The following PLCB1 variants were observed in gnomAD, a reference collection of about 807,000 sequenced individuals.
PLCB1 encodes the protein 1-phosphatidylinositol 4,5-bisphosphate phosphodiesterase beta-1.
In PLCB1, 46 loss-of-function variants were observed where a neutral mutation model predicts 161.8. The ratio of observed to expected loss-of-function variants is 0.28; its 90% CI spans 0.22 to 0.36. PLCB1 has a LOEUF of 0.36. Ranked by LOEUF, PLCB1 falls within the 10% of genes least tolerant of loss-of-function variation. The pLI, the probability that PLCB1 is intolerant of heterozygous loss-of-function variation, is 1.00. For missense variants in PLCB1, 1,016 were observed against 1,472.5 expected, an observed-to-expected ratio of 0.69 and a Z score of 5.07; for synonymous variants, 517 against 503.7, an observed-to-expected ratio of 1.03 and a Z score of -0.35.
intron 31 of PLCB1, among the ~76,000 whole-genome samples, chr20:8,806,315 G>A (rs1403131541): frequency 6.6e-6 from 1 of 151,984 alleles, no homozygotes; most frequent in African/African-American, 2.4e-5. Flanking sequence ...GACACCTGAG[G>A]CACAGTGTGG....
chr20:8,635,917 T>C (rs1433487295), intron 4 of PLCB1, among the ~76,000 whole-genome samples: 1 of 152,238 alleles, frequency 6.6e-6, no homozygotes, highest in African/African-American at 2.4e-5. Flanking sequence ...GAGGTTCTTA[T>C]ATTTATTTTT....
intron 2 of PLCB1, among the ~76,000 whole-genome samples, chr20:8,339,522 C>G (rs1985719395): frequency 6.6e-6 from 1 of 152,240 alleles, no homozygotes; most frequent in Non-Finnish European, 1.5e-5. Context: ...TTAAAAGTTA[C>G]ACCATGCAGA....
At chr20:8,322,871 G>A (rs1027780455) in intron 2 of PLCB1, among the ~76,000 whole-genome samples, 3 of 152,146 alleles carry the variant, frequency 2.0e-5, no homozygotes, top group African/African-American at 4.8e-5. Context: ...CTGACCAGAC[G>A]ACATGTGTTG....
At chr20:8,258,283 A>G (rs1323593360) in intron 2 of PLCB1, among the ~76,000 whole-genome samples, 1 of 152,180 alleles carries the variant, frequency 6.6e-6, no homozygotes, top group African/African-American at 2.4e-5. Flanking sequence ...GAATTATGCC[A>G]CAAAGAAAAG....
At chr20:8,861,950 C>T (rs1470691520) in intron 31 of PLCB1, among the ~76,000 whole-genome samples, 2 of 152,102 alleles carry the variant, frequency 1.3e-5, no homozygotes, top group African/African-American at 2.4e-5. Flanking sequence ...TGAAAACATA[C>T]ATTGGGACAA....
intron 2 of PLCB1, among the ~76,000 whole-genome samples, chr20:8,204,996 T>C (rs1406534844): frequency 6.6e-6 from 1 of 152,210 alleles, no homozygotes; most frequent in Non-Finnish European, 1.5e-5. Context: ...TCTGTGATAA[T>C]AAGTTATTAT....
chr20:8,523,896 C>T (rs958965352), intron 3 of PLCB1, among the ~76,000 whole-genome samples: 1 of 151,938 alleles, frequency 6.6e-6, no homozygotes, highest in Admixed American at 6.6e-5. Context: ...CACCCAGAGG[C>T]CTGCATGGGG....
chr20:8,829,854 C>T (rs544585587), intron 31 of PLCB1, among the ~76,000 whole-genome samples: 21 of 152,180 alleles, frequency 1.4e-4, no homozygotes, highest in Non-Finnish European at 2.2e-4. Context: ...CTCTGAAGCA[C>T]GCAGAGGCAG....
intron 1 of PLCB1, among the ~76,000 whole-genome samples, chr20:8,149,053 A>T (rs1181409199): frequency 1.3e-5 from 2 of 152,232 alleles, no homozygotes; most frequent in Non-Finnish European, 2.9e-5. Context: ...GGCATATTAG[A>T]AAAGAGTAAA....
intron 31 of PLCB1, among the ~76,000 whole-genome samples, chr20:8,849,198 C>A (rs3902337): frequency 0.32 from 49,094 of 152,018 alleles, 8,866 homozygotes; most frequent in East Asian, 0.63. Context: ...CATTTTTTGA[C>A]TAATGAGAGA....
At chr20:8,765,739 G>A (rs944811165) in intron 26 of PLCB1, among the ~76,000 whole-genome samples, 6 of 152,006 alleles carry the variant, frequency 3.9e-5, no homozygotes, top group African/African-American at 1.5e-4. Flanking sequence ...CCAGACTGGA[G>A]TGCAGTGACA....
At chr20:8,302,627 T>C (rs555168231) in intron 2 of PLCB1, among the ~76,000 whole-genome samples, 1 of 152,372 alleles carries the variant, frequency 6.6e-6, no homozygotes, top group South Asian at 2.1e-4. Flanking sequence ...AATATCTAAC[T>C]TTTTTCTTCT....
At chr20:8,452,362 A>C (rs1355736192) in intron 3 of PLCB1, among the ~76,000 whole-genome samples, 2 of 152,240 alleles carry the variant, frequency 1.3e-5, no homozygotes, top group Non-Finnish European at 2.9e-5. Context: ...GAAATGATTC[A>C]AGTAGATGCA....
chr20:8,420,071 G>C (rs1312505346), intron 3 of PLCB1, among the ~76,000 whole-genome samples: 1 of 152,172 alleles, frequency 6.6e-6, no homozygotes, highest in Non-Finnish European at 1.5e-5. Context: ...TGATAGCTGT[G>C]AGGATACTTC....
Position 8,477,002 on chromosome 20 carries a change from C to T in PLCB1, c.246+105552C>T, listed in dbSNP as rs184061900. ...GATTTTTTTCAGGAAACTGATGGTC[C>T]ATTGTAGTTTTTCTGAAATCAGGCT... On this transcript the variant is annotated intron_variant, in intron 3 of 31. Transcript: ENST00000338037. Among the ~76,000 whole-genome samples, 86 of 152,204 alleles carry T rather than the reference C, an allele frequency of 5.7e-4. 1 individual carries two copies. Among genetic ancestry groups the T allele is most frequent in the Non-Finnish European group, 9.3e-4 (63 of 68,010 alleles).
chr20:8,853,108 CT>C (rs11366851), intron 31 of PLCB1, among the ~76,000 whole-genome samples: 39,403 of 151,852 alleles, frequency 0.26, 6,750 homozygotes, highest in East Asian at 0.63. Context: ...TGAAAAATGG[CT>C]TATCACAAAA....
chr20:8,371,592 C>G, intron 3 of PLCB1, 142 bp downstream of exon 3: 1 of 515,590 alleles, frequency 1.9e-6, no homozygotes, highest in Non-Finnish European at 3.5e-6. Context: ...TAAACACTTT[C>G]ACTTTTATTA....
intron 2 of PLCB1, among the ~76,000 whole-genome samples, chr20:8,180,401 G>A (rs1261186301): frequency 6.6e-6 from 1 of 152,138 alleles, no homozygotes. Context: ...CAAGGATATT[G>A]GCCTGAAGTT....
At chr20:8,549,638 A>G (rs1460377291) in intron 3 of PLCB1, among the ~76,000 whole-genome samples, 2 of 152,172 alleles carry the variant, frequency 1.3e-5, no homozygotes, top group Non-Finnish European at 2.9e-5. Context: ...CCTGTCACCC[A>G]GGCTGGAGTG....
Sources: gnomAD v4.1 joint callset for allele counts (sites outside exome capture counted in the v4.1 genomes callset) on GRCh38, gnomAD v4.1.1 for gene constraint, MANE v1.5 for transcripts, NCBI Gene and HGNC (gene_info 2026-07-23, HGNC 2026-07-21) for gene names.